Variants in TPD52 observed in about 807,000 individuals in gnomAD.
TPD52 encodes prostate and colon associated protein.
Under a neutral mutation model 31.3 loss-of-function variants are expected in TPD52, and 17 were observed. The observed-to-expected ratio is 0.54, with a 90% CI of 0.37 to 0.82. TPD52 has a LOEUF of 0.82. Among genes scored for constraint, TPD52 ranks in the 40% least tolerant of loss-of-function variants. TPD52 has a pLI of 0.00. For missense variants in TPD52, 212 were observed against 240.1 expected (o/e 0.88, Z 0.77); for synonymous variants, 83 against 89.6 (o/e 0.93, Z 0.42).
At chr8:80,095,176 A>C (rs1390897496) in intron 1 of TPD52, among the ~76,000 whole-genome samples, 3 of 152,198 alleles carry the variant, frequency 2.0e-5, no homozygotes, top group African/African-American at 7.2e-5. Flanking sequence ...AGACAGTGGA[A>C]TATTATTCAG....
chr8:80,050,118 A>G (rs1324070188), intron 5 of TPD52, among the ~76,000 whole-genome samples: 1 of 152,210 alleles, frequency 6.6e-6, no homozygotes, highest in African/African-American at 2.4e-5. Flanking sequence ...CAAAACAAAC[A>G]AAGTCAGACA....
At chr8:80,153,444 C>T (rs1168999208) in intron 1 of TPD52, among the ~76,000 whole-genome samples, 1 of 152,194 alleles carries the variant, frequency 6.6e-6, no homozygotes, top group East Asian at 1.9e-4. Context: ...CAGCACTTTC[C>T]ACATCTCATC....
intron 1 of TPD52, among the ~76,000 whole-genome samples, chr8:80,148,864 T>C (rs1330185009): frequency 1.3e-5 from 2 of 152,164 alleles, no homozygotes; most frequent in South Asian, 4.1e-4. Flanking sequence ...TTCTCTGTTG[T>C]ACAGAGAAAA....
downstream of TPD52, chr8:80,033,142 A>G (rs1809733942): frequency 6.6e-6 from 1 of 152,588 alleles, no homozygotes. Flanking sequence ...GTGTCTGGGC[A>G]AGGGAAACGT....
intron 7 of TPD52, among the ~76,000 whole-genome samples, chr8:80,039,554 A>G (rs1018059884): frequency 6.6e-6 from 1 of 152,112 alleles, no homozygotes; most frequent in Non-Finnish European, 1.5e-5. Flanking sequence ...CCTGTCTCCA[A>G]TCGTTCTCCC....
intron 1 of TPD52, among the ~76,000 whole-genome samples, chr8:80,114,122 G>A (rs926740165): frequency 6.6e-6 from 1 of 152,094 alleles, no homozygotes; most frequent in Non-Finnish European, 1.5e-5. Flanking sequence ...GTATATACCT[G>A]TAGCTGCTCA....
chr8:80,035,709 T>C lies in TPD52; in HGVS notation c.*2407A>G, dbSNP rs1442899167. 1 of 152,208 alleles carries C rather than the reference T, an allele frequency of 6.6e-6. No individual in the cohort carries two copies. Among genetic ancestry groups the C allele is most frequent in the Non-Finnish European group, 1.5e-5 (1 of 68,034 alleles). The allele number at this position is 152,208 out of a possible 1,614,324, so 9.4% of individuals were successfully genotyped here. A position where few individuals can be genotyped will look rare whatever the true frequency, so the allele number is the denominator to read the frequency against. ...TAAGCATAAGAATTCTTGCCCTATT[T>C]CCCACAAACTCCATAAATTGACATT... On this transcript the variant is annotated 3_prime_UTR_variant, in exon 8 of 8. Transcript: ENST00000518937.
At chr8:80,103,574 T>C (rs1489318920) in intron 1 of TPD52, among the ~76,000 whole-genome samples, 1 of 152,218 alleles carries the variant, frequency 6.6e-6, no homozygotes, top group Non-Finnish European at 1.5e-5. Context: ...TACATGATAA[T>C]GACCTCTGGG....
chr8:80,130,835 C>T (rs1447372616), intron 1 of TPD52, among the ~76,000 whole-genome samples: 2 of 152,126 alleles, frequency 1.3e-5, no homozygotes, highest in African/African-American at 4.8e-5. Context: ...AAATAAAATA[C>T]CTGATTTCAG....
chr8:80,090,474 C>T (rs115635303), intron 1 of TPD52, among the ~76,000 whole-genome samples: 146 of 152,180 alleles, frequency 9.6e-4, no homozygotes, highest in African/African-American at 3.3e-3. Context: ...AGACCAGGGG[C>T]CAAGGAAGGT....
chr8:80,144,553 A>G (rs547150166), intron 1 of TPD52, among the ~76,000 whole-genome samples: 14 of 152,292 alleles, frequency 9.2e-5, no homozygotes, highest in African/African-American at 3.1e-4. Flanking sequence ...GCTATGAAAG[A>G]TAACAGATAG....
intron 1 of TPD52, among the ~76,000 whole-genome samples, chr8:80,088,075 T>C (rs1234059678): frequency 1.3e-5 from 2 of 152,180 alleles, no homozygotes; most frequent in African/African-American, 2.4e-5. Context: ...TCTTTGGGCA[T>C]AGAGCTAGCA....
intron 1 of TPD52, among the ~76,000 whole-genome samples, chr8:80,106,680 T>C (rs1240136489): frequency 9.3e-6 from 1 of 108,036 alleles, no homozygotes; most frequent in Non-Finnish European, 1.9e-5. Context: ...TTACTCGTTC[T>C]ATTTTTTTTT....
chr8:80,064,693 A>G, intron 1 of TPD52, 100 bp from the exon 2 acceptor site: 3 of 807,712 alleles, frequency 3.7e-6, no homozygotes, highest in South Asian at 2.8e-5. Flanking sequence ...CAATTAGAGT[A>G]GATCCACACA....
At chr8:80,138,188 T>C (rs2033066) in intron 1 of TPD52, among the ~76,000 whole-genome samples, 74,106 of 151,826 alleles carry the variant, frequency 0.49, 18,393 homozygotes, top group East Asian at 0.78. Flanking sequence ...GGTGATCCGC[T>C]CGCCTCAGCC....
chr8:80,073,137 A>C (rs144975761), intron 1 of TPD52, among the ~76,000 whole-genome samples: 1 of 152,104 alleles, frequency 6.6e-6, no homozygotes, highest in East Asian at 1.9e-4. Context: ...AAAGAAATAA[A>C]GGTATTAACT....
At chr8:80,084,305 C>T (rs1217756917) in intron 1 of TPD52, among the ~76,000 whole-genome samples, 5 of 152,206 alleles carry the variant, frequency 3.3e-5, no homozygotes, top group African/African-American at 9.7e-5. Context: ...ATCTGGTCCA[C>T]GCAGACACCC....
chr8:80,170,430 C>T (rs1166699497), intron 1 of TPD52, among the ~76,000 whole-genome samples: 1 of 149,308 alleles, frequency 6.7e-6, no homozygotes, highest in Non-Finnish European at 1.5e-5. Context: ...ACAAAAAAAA[C>T]ACCAGAGTCT....
chr8:80,151,515 T>C (rs117072940), intron 1 of TPD52, among the ~76,000 whole-genome samples: 1,802 of 152,318 alleles, frequency 0.012, 28 homozygotes, highest in Non-Finnish European at 0.013. Flanking sequence ...AGTGAGTCAC[T>C]CATGCTTACT....
Sources: allele counts gnomAD v4.1 joint callset (sites outside exome capture counted in the v4.1 genomes callset), GRCh38; gene constraint gnomAD v4.1.1; transcripts MANE v1.5; gene names NCBI Gene and HGNC (gene_info 2026-07-23, HGNC 2026-07-21).